The following TAF1 variants were observed in gnomAD, a reference collection of about 807,000 sequenced individuals.
TAF1 encodes transcription initiation factor TFIID subunit 1.
In TAF1, 2 loss-of-function variants were observed where a neutral mutation model predicts 138.5. That is an observed-to-expected ratio of 0.01 (90% CI 0.01 to 0.05). TAF1 has a LOEUF of 0.05. Ranked by LOEUF, TAF1 falls within the 10% of genes least tolerant of loss-of-function variation. The pLI is 1.00. For synonymous variants in TAF1, 437 were observed against 503.2 expected (o/e 0.87, Z 1.76); for missense variants, 709 against 1,478.0 (o/e 0.48, Z 8.53).
chrX:71,384,191 TA>T (rs2034071066), intron 13 of TAF1, 56 bp downstream of exon 13: 4 of 1,160,019 alleles, frequency 3.4e-6, no homozygotes, highest in Non-Finnish European at 1.2e-6. Flanking sequence ...TATGCTTCCA[TA>T]AACTTTTATG....
chrX:71,388,354 C>G lies in TAF1; in HGVS notation c.2545C>G (p.Leu849Val). ...SESSIRKRLK[L>V]CADFKRTGMD... ...AAGCAGCATCCGGAAGAGGCTAAAG[C>G]TCTGCGCTGACTTCAAACGCACAGG... Residue 849 changes from leucine (L) to valine (V), a missense_variant, in exon 16 of 38, where the codon CTC (leucine) becomes GTC (valine). Transcript: ENST00000423759. 1 of 1,209,429 alleles carries G rather than the reference C, an allele frequency of 8.3e-7. No individual in the cohort carries two copies. Among genetic ancestry groups the G allele is most frequent in the Non-Finnish European group, 1.1e-6 (1 of 895,047 alleles).
intron 3 of TAF1, among the ~76,000 whole-genome samples, chrX:71,374,793 T>A (rs2033350823): frequency 9.0e-6 from 1 of 111,230 alleles, no homozygotes. Flanking sequence ...ATATGCATAG[T>A]GTTTCATGTG....
At chrX:71,395,775 T>C (rs934968225) in intron 22 of TAF1, among the ~76,000 whole-genome samples, 4 of 111,573 alleles carry the variant, frequency 3.6e-5, no homozygotes, top group African/African-American at 1.3e-4. Flanking sequence ...ATCTATGTTT[T>C]CTAGTATAGT....
In TAF1 at chrX:71,434,817, GT is replaced by G. The variant is rs776823833; in HGVS notation, c.4753+10580del. Among the ~76,000 whole-genome samples, 265 of 112,484 alleles carry G rather than the reference GT, an allele frequency of 2.4e-3. 2 individuals are homozygous for G. The highest frequency in any genetic ancestry group is 9.2e-3 in the Middle Eastern group (2 of 217). ...TAAGTGGTTGGAGTTATTTGCACCA[GT>G]CCCAAAAGGACCGCAACAGTTAAAG... On this transcript the variant is annotated intron_variant, in intron 32 of 37. Coordinates refer to ENST00000423759, the MANE Select transcript of TAF1 (RefSeq NM_004606.5).
At chrX:71,387,646 A>G (rs1402682848) in intron 15 of TAF1, among the ~76,000 whole-genome samples, 185 bp downstream of exon 15, 2 of 111,580 alleles carry the variant, frequency 1.8e-5, no homozygotes, top group African/African-American at 6.5e-5. Context: ...TAAAAATACA[A>G]AAATTAGCTG....
intron 32 of TAF1, among the ~76,000 whole-genome samples, chrX:71,430,722 T>G (rs2148654296): frequency 8.9e-6 from 1 of 111,906 alleles, no homozygotes; most frequent in East Asian, 2.8e-4. Flanking sequence ...TAGTTTTTAC[T>G]TTAGACTTGT....
At chrX:71,510,931 C>T (rs768386213) in intron 13 of TAF1, among the ~76,000 whole-genome samples, 1 of 110,696 alleles carries the variant, frequency 9.0e-6, no homozygotes, top group East Asian at 2.8e-4. Context: ...TGGAGAAACC[C>T]CGTCTCTACT....
rs1210578907 is a variant in TAF1 at position 71,471,318 on chromosome X, TAA to T, written c.1366+10529_1366+10530del. Reference sequence around the variant, plus strand: ...CCTGGTGACAGAGCGAGACTCCGTCTAAAAAAAAAAAAAAATATATATATATA... The same window carrying T: ...CCTGGTGACAGAGCGAGACTCCGTCTAAAAAAAAAAAAATATATATATATA... On this transcript the variant is annotated intron_variant and NMD_transcript_variant, in intron 13 of 14. Coordinates refer to the TAF1 transcript ENST00000373775. Among the ~76,000 whole-genome samples, 818 of 84,844 alleles carry T rather than the reference TAA, an allele frequency of 9.6e-3. 11 individuals carry two copies. The highest frequency in any genetic ancestry group is 0.036 in the African/African-American group (752 of 21,117). The allele number at this position is 84,844 out of a possible 115,157, so 73.7% of individuals were successfully genotyped here.
chrX:71,528,239 G>C, intron 13 of TAF1: 1 of 232,404 alleles, frequency 4.3e-6, no homozygotes. Context: ...TCTTCTGCCT[G>C]TCAGTGTATG....
chrX:71,376,846 C>T (rs757198492), intron 4 of TAF1, 104 bp from the exon 5 acceptor site: 3 of 1,091,913 alleles, frequency 2.7e-6, no homozygotes, highest in East Asian at 6.1e-5. Context: ...GGGCCTATAT[C>T]TCCTGGCATT....
chrX:71,393,891 CA>C, intron 21 of TAF1, among the ~76,000 whole-genome samples, 175 bp from the exon 22 acceptor site: 1 of 112,403 alleles, frequency 8.9e-6, no homozygotes, highest in African/African-American at 3.2e-5. Flanking sequence ...TACAATTTTT[CA>C]AACTTATCTT....
At chrX:71,499,015 GAGCT>G (rs2147564371) in intron 13 of TAF1, among the ~76,000 whole-genome samples, 3 of 111,641 alleles carry the variant, frequency 2.7e-5, no homozygotes, top group African/African-American at 9.8e-5. Context: ...GTGATGACAT[GAGCT>G]GGCGTTTGCC....
chrX:71,452,614 C>T (rs951406889), intron 32 of TAF1, among the ~76,000 whole-genome samples: 16 of 106,827 alleles, frequency 1.5e-4, no homozygotes, highest in African/African-American at 4.5e-4. Flanking sequence ...AGATCCCAGA[C>T]GATGGGCGGC....
intron 32 of TAF1, among the ~76,000 whole-genome samples, chrX:71,424,590 A>T (rs531619281): frequency 1.8e-5 from 2 of 110,476 alleles, no homozygotes; most frequent in South Asian, 7.7e-4. Flanking sequence ...TTGAGCAGTG[A>T]TAGCAGAATC....
At chrX:71,459,119 C>G (rs1248539233) in intron 35 of TAF1, 1 of 1,016,375 alleles carries the variant, frequency 9.8e-7, no homozygotes, top group South Asian at 1.9e-5. Flanking sequence ...GCACGTCCCT[C>G]AATGATGTGC....
At position 71,398,525 on chromosome X, in the gene TAF1, G is replaced by T. The variant is rs745866067; in HGVS notation, c.3621-47G>T. 2.5e-6 allele frequency: 3 copies of T among 1,197,115 alleles called. No homozygotes were observed. In the Admixed American group the frequency reaches 6.8e-5, roughly 27 times the overall value. On this transcript the variant is annotated intron_variant, in intron 23 of 37. Transcript: ENST00000423759. ...ACGATAGTCTTCTTGGTTAAGGTTT[G>T]CTTATGGTCCTGTGATTTTTCTTCC...
rs765916364 is a variant in TAF1, at chrX:71,490,117, A to G, written c.1366+29314A>G. ...AAATAAATAAAAATTTGCCCATAAA[A>G]GTTTCTGGATGGGAAAAAAAGAGGC... On this transcript the variant is annotated intron_variant and NMD_transcript_variant, in intron 13 of 14. Transcript: ENST00000373775. Among the ~76,000 whole-genome samples the G allele has an allele frequency of 2.7e-5, 3 of 111,605 alleles. No individual in the cohort carries two copies. The East Asian group carries it at 8.4e-4, about 31-fold the overall frequency.
intron 4 of TAF1, among the ~76,000 whole-genome samples, chrX:71,375,551 T>TAA (rs1318123660): frequency 9.6e-6 from 1 of 103,992 alleles, no homozygotes. Context: ...TTAGAATCTT[T>TAA]AAAAAAAAAA....
intron 32 of TAF1, among the ~76,000 whole-genome samples, chrX:71,426,832 T>A (rs192401454): frequency 1.8e-5 from 2 of 111,842 alleles, no homozygotes; most frequent in Non-Finnish European, 3.8e-5. Context: ...TGTGCTATAC[T>A]TGAGTTTGTA....
Sources: gnomAD v4.1 joint callset for allele counts (sites outside exome capture counted in the v4.1 genomes callset) on GRCh38, gnomAD v4.1.1 for gene constraint, MANE v1.5 for transcripts, NCBI Gene and HGNC (gene_info 2026-07-23, HGNC 2026-07-21) for gene names.